SH3PXD2B: variants seen among roughly 807,000 people sequenced by gnomAD.
SH3PXD2B encodes the protein SH3 and PX domain-containing protein 2B.
Under a neutral mutation model 73.1 loss-of-function variants are expected in SH3PXD2B, and 37 were observed. The ratio of observed to expected loss-of-function variants is 0.51; its 90% confidence interval spans 0.39 to 0.67. The LOEUF (loss-of-function observed/expected upper bound fraction) is 0.67, where lower values mean the gene tolerates loss of function less well. SH3PXD2B is among the 30% of genes least tolerant of loss of function. The pLI, the probability that SH3PXD2B is intolerant of heterozygous loss-of-function variation, is 0.00. For synonymous variants in SH3PXD2B, 457 were observed against 480.5 expected (o/e 0.95, Z 0.64); for missense variants, 1,053 against 1,197.8 (o/e 0.88, Z 1.78).
At chr5:172,426,991 T>C (rs1759108925) in intron 1 of SH3PXD2B, among the ~76,000 whole-genome samples, 1 of 152,182 alleles carries the variant, frequency 6.6e-6, no homozygotes, top group Non-Finnish European at 1.5e-5. Flanking sequence ...CCTTTCCTTT[T>C]TTACATCCCC....
chr5:172,366,253 C>T (rs10053058), intron 6 of SH3PXD2B, among the ~76,000 whole-genome samples: 8,915 of 152,190 alleles, frequency 0.059, 409 homozygotes, highest in African/African-American at 0.13. Context: ...CACCCTCTGC[C>T]CCAGGGTCTG....
intron 5 of SH3PXD2B, among the ~76,000 whole-genome samples, chr5:172,377,932 C>G (rs1292542894): frequency 6.6e-6 from 1 of 152,192 alleles, no homozygotes; most frequent in African/African-American, 2.4e-5. Context: ...CCCTATCTGG[C>G]TGATGAATGA....
chr5:172,382,110 G>C lies in SH3PXD2B; in HGVS notation c.327C>G (p.Pro109=), dbSNP rs1757961897. The part of the protein sequence containing the change: ...DEYCKALIQL[P]PYISQCDEVL... ...CCTCATCACACTGAGAGATGTAGGG[G>C]GGCAGCTGGATGAGGGCCTGGAGAA... The change falls in exon 5 of 13, where the codon CCC becomes CCG. Residue 109 remains proline (P), a synonymous_variant. Coordinates refer to ENST00000311601, the MANE Select transcript of SH3PXD2B (RefSeq NM_001017995.3). 1 of 1,608,980 alleles carries C rather than the reference G, an allele frequency of 6.2e-7. No individual in the cohort carries two copies. Among genetic ancestry groups the C allele is most frequent in the African/African-American group, 1.3e-5 (1 of 74,986 alleles).
intron 12 of SH3PXD2B, among the ~76,000 whole-genome samples, chr5:172,343,137 A>C (rs543619620): frequency 7.2e-5 from 11 of 152,382 alleles, no homozygotes; most frequent in Non-Finnish European, 1.0e-4. Flanking sequence ...AGCGGGATGC[A>C]CTTGACAGGC....
At position 172,337,967 on chromosome 5, in the gene SH3PXD2B, G is replaced by T; in HGVS notation, c.*402C>A. 2.7e-6 allele frequency: 3 copies of T among 1,096,030 alleles called. No individual in the cohort carries two copies. Among genetic ancestry groups the T allele is most frequent in the Non-Finnish European group, 3.3e-6 (3 of 898,752 alleles). The allele number at this position is 1,096,030 out of a possible 1,614,324, so 67.9% of individuals were successfully genotyped here. ...GCAAAAGTCATCATGGACTGGGTTG[G>T]CTGCCCCTTACTGTGCCATGTCCAA... On this transcript the variant is annotated 3_prime_UTR_variant, in exon 13 of 13. Transcript: ENST00000311601.
chr5:172,344,739 T>C (rs891913564), intron 12 of SH3PXD2B, among the ~76,000 whole-genome samples: 2 of 151,306 alleles, frequency 1.3e-5, no homozygotes, highest in African/African-American at 2.4e-5. Flanking sequence ...ACTCAGATAA[T>C]AGCAAAGTGA....
Position 172,334,514 on chromosome 5 carries a change from T to C in SH3PXD2B, c.*3855A>G, listed in dbSNP as rs1002240289. The C allele has an allele frequency of 3.0e-6, 3 of 985,526 alleles. No individual in the cohort carries two copies. Among genetic ancestry groups the C allele is most frequent in the Non-Finnish European group, 3.6e-6 (3 of 830,052 alleles). 61.0% of individuals were successfully genotyped at this position (985,526 alleles called of 1,614,324 possible). ...CTGCAGAACGGGCCTGGACAACCCT[T>C]GGGGGATAAGACAGCCACACATGGC... On this transcript the variant is annotated 3_prime_UTR_variant, in exon 13 of 13. Transcript: ENST00000311601.
rs1561934109 is a variant in SH3PXD2B, at chr5:172,422,408, A to AT, written c.156+7dup. 6.2e-7 allele frequency: 1 copy of AT among 1,604,992 alleles called. No homozygotes were observed. Among genetic ancestry groups the AT allele is most frequent in the Non-Finnish European group, 8.5e-7 (1 of 1,176,178 alleles). On this transcript the variant is annotated splice_region_variant and intron_variant, in intron 2 of 12. Coordinates refer to ENST00000311601, the MANE Select transcript of SH3PXD2B (RefSeq NM_001017995.3). ...TCCTGCAGCTCACCAGAGACCTCAA[A>AT]TCCTTACCTGGAGGTCAAAAAACTT...
Position 172,358,830 on chromosome 5 carries a change from T to C in SH3PXD2B, c.610A>G (p.Thr204Ala). 1 of 1,614,102 alleles carries C rather than the reference T, an allele frequency of 6.2e-7. No homozygotes were observed. The highest frequency in any genetic ancestry group is 8.5e-7 in the Non-Finnish European group (1 of 1,179,982). Residue 204 changes from threonine to alanine, a missense_variant, in exon 8 of 13, where the codon ACG becomes GCG. Around this residue, in one of 2 missense-constraint regions of SH3PXD2B, gnomAD observed 466 missense variants for 607.1 expected, o/e 0.77. Transcript: ENST00000311601. ...TAEEQGWVPA[T>A]CLEGQDGVQD... ...ACCCCATCCTGGCCTTCGAGGCACG[T>C]TGCAGGGACCCAGCCTTGCTCCTCG...
chr5:172,408,956 A>G (rs1758628014), intron 2 of SH3PXD2B, among the ~76,000 whole-genome samples: 1 of 152,234 alleles, frequency 6.6e-6, no homozygotes, highest in South Asian at 2.1e-4. Flanking sequence ...TGATCAGATC[A>G]GCATATTTAC....
chr5:172,443,626 C>T (rs1759597601), intron 1 of SH3PXD2B, among the ~76,000 whole-genome samples: 1 of 152,202 alleles, frequency 6.6e-6, no homozygotes, highest in Non-Finnish European at 1.5e-5. Context: ...CTGGGCCAGA[C>T]CTGGCCCAGG....
chr5:172,344,118 A>G lies in SH3PXD2B; in HGVS notation c.1188+2018T>C, dbSNP rs957335795. Among the ~76,000 whole-genome samples, 3 of 152,014 alleles carry G rather than the reference A, an allele frequency of 2.0e-5. No individual in the cohort carries two copies. The South Asian group carries it at 6.3e-4, about 32-fold the overall frequency. On this transcript the variant is annotated intron_variant, in intron 12 of 12. Coordinates refer to ENST00000311601, the MANE Select transcript of SH3PXD2B (RefSeq NM_001017995.3). ...CATCATCATCATCATCATCATCATT[A>G]TCATAACACATCCTGAAGATAAACA...
At chr5:172,450,395 G>C (rs911796090) in intron 1 of SH3PXD2B, among the ~76,000 whole-genome samples, 4 of 152,068 alleles carry the variant, frequency 2.6e-5, no homozygotes, top group African/African-American at 9.7e-5. Flanking sequence ...AAAAAGTTTT[G>C]AAACAAATTG....
Position 172,327,983 on chromosome 5 carries a change from G to C in SH3PXD2B, c.1189-2603C>G, listed in dbSNP as rs189666135. ...TTGGCCAGGCTGGTCTCGAACTCCT[G>C]ACTTCAAGTGATCCACCCACTTCGG... On this transcript the variant is annotated intron_variant, in intron 12 of 12. Transcript: ENST00000519643. 3.0e-3 allele frequency among the ~76,000 whole-genome samples: 454 copies of C among 152,096 alleles called. 3 individuals carry two copies. The highest frequency in any genetic ancestry group is 0.01 in the African/African-American group (435 of 41,484).
intron 1 of SH3PXD2B, among the ~76,000 whole-genome samples, chr5:172,437,149 A>C (rs1167986558): frequency 6.6e-6 from 1 of 152,088 alleles, no homozygotes; most frequent in Non-Finnish European, 1.5e-5. Flanking sequence ...TGGGGAAGGG[A>C]AAGCAACAAG....
chr5:172,384,505 AAAC>A (rs1199063602), intron 4 of SH3PXD2B, among the ~76,000 whole-genome samples: 1 of 152,142 alleles, frequency 6.6e-6, no homozygotes, highest in East Asian at 1.9e-4. Context: ...TGTACCCATT[AAAC>A]AACAACTACC....
intron 2 of SH3PXD2B, among the ~76,000 whole-genome samples, chr5:172,412,615 C>A (rs4357051): frequency 6.6e-6 from 1 of 151,936 alleles, no homozygotes; most frequent in South Asian, 2.1e-4. Context: ...GCTTTCCTTG[C>A]CGAGCTGGTC....
rs1258627895 is a variant in SH3PXD2B, at chr5:172,422,496, C to T, written c.76G>A (p.Val26Ile). Residue 26 changes from valine (V) to isoleucine (I), a missense_variant and splice_region_variant, in exon 2 of 13, where the codon GTC (valine) becomes ATC (isoleucine). Val to Ile is a conservative substitution (Grantham distance 29). Transcript: ENST00000311601. Reference protein sequence around the residue: ...QKRRVPNKHYVYIIRVTWSSG... With the variant: ...QKRRVPNKHYIYIIRVTWSSG... ...GACCACGTGACCCGGATGATGTAGA[C>T]CTGCGGGAGCAACAGAGGAGATGGG... 3 of 1,610,960 alleles carry T rather than the reference C, an allele frequency of 1.9e-6. No homozygotes were observed. Among genetic ancestry groups the T allele is most frequent in the South Asian group, 2.2e-5 (2 of 90,422 alleles).
At position 172,339,033 on chromosome 5, in the gene SH3PXD2B, C is replaced by G; in HGVS notation, c.2072G>C (p.Gly691Ala). ...LDGEGPQAVGGQDVAFSRSFL... is the reference protein window; with the variant it reads ...LDGEGPQAVGAQDVAFSRSFL... The stretch of plus-strand genomic sequence containing the variant: ...GCTTCGGCTGAAGGCCACGTCTTGG[C>G]CCCCTACTGCCTGGGGGCCCTCCCC... The change falls in exon 13 of 13, where the codon GGC becomes GCC. Residue 691 changes from glycine (G) to alanine (A), a missense_variant. This residue lies in a region of SH3PXD2B where 587 missense variants were observed against 590.7 expected (regional missense o/e 0.99). Transcript: ENST00000311601. The surrounding 1 kb of genome is among the most constrained non-coding windows in gnomAD (Gnocchi z 6.1). 1 of 1,614,174 alleles carries G rather than the reference C, an allele frequency of 6.2e-7. No individual in the cohort carries two copies. The highest frequency in any genetic ancestry group is 8.5e-7 in the Non-Finnish European group (1 of 1,179,978).
Sources: allele counts gnomAD v4.1 joint callset (sites outside exome capture counted in the v4.1 genomes callset), GRCh38; gene constraint gnomAD v4.1.1; regional missense constraint gnomAD v4.1.1; non-coding constraint Gnocchi (gnomAD v3.1); transcripts MANE v1.5; gene names NCBI Gene and HGNC (gene_info 2026-07-23, HGNC 2026-07-21).